Variants in NINL observed in about 807,000 individuals in gnomAD.
NINL encodes ninein-like protein.
A neutral mutation model predicts 160.3 loss-of-function variants in NINL; 153 were observed. That is an observed-to-expected ratio of 0.95 (90% CI 0.84 to 1.09). The LOEUF (loss-of-function observed/expected upper bound fraction) is 1.09. NINL is among the 50% of genes least tolerant of loss of function. NINL has a pLI of 0.00. For synonymous variants in NINL, 800 were observed against 734.8 expected (o/e 1.09, Z -1.43); for missense variants, 1,829 against 1,764.0 (o/e 1.04, Z -0.66).
chr20:25,471,512 C>A (rs1234922641), intron 17 of NINL, among the ~76,000 whole-genome samples: 1 of 152,190 alleles, frequency 6.6e-6, no homozygotes, highest in Non-Finnish European at 1.5e-5. Flanking sequence ...CCATCCCCCA[C>A]ATGACCACCA....
At chr20:25,561,803 C>T (rs2064942705) in intron 1 of NINL, among the ~76,000 whole-genome samples, 1 of 151,450 alleles carries the variant, frequency 6.6e-6, no homozygotes, top group Admixed American at 6.6e-5. Flanking sequence ...CTGGCAACCG[C>T]CCCATCTGAG....
chr20:25,532,144 T>C (rs2064475823), intron 1 of NINL, among the ~76,000 whole-genome samples: 1 of 152,198 alleles, frequency 6.6e-6, no homozygotes, highest in Non-Finnish European at 1.5e-5. Context: ...TGGCTGGGAC[T>C]GCAGGGGCAG....
At chr20:25,511,188 C>G (rs527605069) in intron 4 of NINL, among the ~76,000 whole-genome samples, 3 of 152,286 alleles carry the variant, frequency 2.0e-5, no homozygotes, top group African/African-American at 7.2e-5. Context: ...GCTTGCAACA[C>G]GCCTCTCTGC....
chr20:25,494,249 C>G (rs1334615380), intron 10 of NINL, among the ~76,000 whole-genome samples: 1 of 150,688 alleles, frequency 6.6e-6, no homozygotes, highest in Non-Finnish European at 1.5e-5. Flanking sequence ...GCACACAGCA[C>G]TTTCCACTGC....
intron 1 of NINL, among the ~76,000 whole-genome samples, chr20:25,551,599 TAGTG>T (rs2064808049): frequency 6.6e-6 from 1 of 151,806 alleles, no homozygotes; most frequent in Non-Finnish European, 1.5e-5. Context: ...TGTGGGAACT[TAGTG>T]TGTGTGTGAG....
rs764778668 is a variant in NINL at position 25,461,498 on chromosome 20, C to T, written c.3696+24G>A. The T allele has an allele frequency of 3.6e-6, 5 of 1,397,656 alleles. No individual in the cohort carries two copies. In the African/African-American group the frequency reaches 7.3e-5, roughly 20 times the overall value. The allele number at this position is 1,397,656 out of a possible 1,614,324, so 86.6% of individuals were successfully genotyped here. On this transcript the variant is annotated intron_variant, in intron 21 of 23. Coordinates refer to ENST00000278886, the MANE Select transcript of NINL (RefSeq NM_025176.6). ...CTCCCAGGTGGGACTGGACCCAGTG[C>T]CTCCAGCCATCGCTCACACCCACCT...
At chr20:25,532,384 G>A (rs417662) in intron 1 of NINL, among the ~76,000 whole-genome samples, 4,423 of 152,342 alleles carry the variant, frequency 0.029, 209 homozygotes, top group African/African-American at 0.097. Context: ...CAGGGCTGGC[G>A]TCTGGCAAAC....
At chr20:25,540,020 A>C in intron 1 of NINL, 1 of 1,288,350 alleles carries the variant, frequency 7.8e-7, no homozygotes, top group South Asian at 1.2e-5. Context: ...CACACTGTTT[A>C]CCTGCGCAGT....
At position 25,528,271 on chromosome 20, in the gene NINL, G is replaced by C. The variant is rs568953811; in HGVS notation, c.-11-1673C>G. 5.3e-5 allele frequency among the ~76,000 whole-genome samples: 8 copies of C among 152,262 alleles called. No individual in the cohort carries two copies. The East Asian group carries it at 1.3e-3, about 26-fold the overall frequency. On this transcript the variant is annotated intron_variant, in intron 1 of 23. Coordinates refer to ENST00000278886, the MANE Select transcript of NINL (RefSeq NM_025176.6). ...GCTGGTCTCAAACTTCTGGACTCAA[G>C]TGATTTCCTGCTGCGGCCTCCCAAA... is the stretch of plus-strand genomic sequence containing the variant.
intron 18 of NINL, among the ~76,000 whole-genome samples, chr20:25,468,533 CCCTGT>C (rs56352955): frequency 0.33 from 37,444 of 114,236 alleles, 7,400 homozygotes; most frequent in East Asian, 0.89. Flanking sequence ...CACTGCCCTG[CCCTGT>C]CCCCCGACTC....
rs959328632 is a variant in NINL, at chr20:25,481,853, C to T, written c.1810+115G>A. 72 of 1,443,828 alleles carry T rather than the reference C, an allele frequency of 5.0e-5. 4 individuals carry two copies. The South Asian group carries it at 6.2e-4, about 12-fold the overall frequency. The allele number at this position is 1,443,828 out of a possible 1,614,324, so 89.4% of individuals were successfully genotyped here. ...AGTCCCTGCAGAGCAGACCACCTCC[C>T]TTCAGGTCACAGCAACATCATCATC... On this transcript the variant is annotated intron_variant, in intron 14 of 23. Transcript: ENST00000278886.
At chr20:25,457,323 A>T (rs2090712754) in intron 22 of NINL, among the ~76,000 whole-genome samples, 2 of 150,152 alleles carry the variant, frequency 1.3e-5, no homozygotes, top group African/African-American at 4.9e-5. Context: ...ACTCTGTCTC[A>T]AAAAACAAAA....
At chr20:25,464,000 GAC>G (rs2062852656) in intron 19 of NINL, among the ~76,000 whole-genome samples, 1 of 152,176 alleles carries the variant, frequency 6.6e-6, no homozygotes, top group African/African-American at 2.4e-5. Context: ...TTTTAATACT[GAC>G]ACACATTCAC....
chr20:25,563,643 C>T (rs1192526921), intron 1 of NINL, among the ~76,000 whole-genome samples: 1 of 152,086 alleles, frequency 6.6e-6, no homozygotes, highest in African/African-American at 2.4e-5. Context: ...ACATATGCTA[C>T]CTACAAGAAA....
chr20:25,479,452 C>G (rs986430180), intron 15 of NINL, among the ~76,000 whole-genome samples: 1 of 152,164 alleles, frequency 6.6e-6, no homozygotes, highest in African/African-American at 2.4e-5. Context: ...GCAGGAAGCT[C>G]GGGGCTCACT....
At chr20:25,569,835 G>T (rs765463002) in intron 1 of NINL, among the ~76,000 whole-genome samples, 1 of 152,160 alleles carries the variant, frequency 6.6e-6, no homozygotes, top group Non-Finnish European at 1.5e-5. Context: ...CGACTGTCAA[G>T]GAACCACCCA....
intron 1 of NINL, among the ~76,000 whole-genome samples, chr20:25,529,752 A>T (rs1283019010): frequency 6.6e-6 from 1 of 152,174 alleles, no homozygotes; most frequent in East Asian, 1.9e-4. Flanking sequence ...AGGTAGGAGG[A>T]TCACCTAGAG....
chr20:25,551,379 A>G (rs1467344883), intron 1 of NINL, among the ~76,000 whole-genome samples: 1 of 152,118 alleles, frequency 6.6e-6, no homozygotes, highest in Non-Finnish European at 1.5e-5. Flanking sequence ...TCAAATAAAT[A>G]AATAAAAAAA....
In NINL at chr20:25,491,474, C is replaced by A. The variant is rs767388536; in HGVS notation, c.1362G>T (p.Val454=). 3.7e-6 allele frequency: 6 copies of A among 1,614,108 alleles called. No individual in the cohort carries two copies. Among genetic ancestry groups the A allele is most frequent in the Admixed American group, 3.3e-5 (2 of 60,024 alleles). The part of the protein sequence containing the change: ...RERLSLLRSE[V]EAERELFWEQ... ...CCCAGAACAGCTCTCGCTCCGCCTC[C>A]ACCTCAGACCGCAGGAGGCTCAGCC... is the stretch of plus-strand genomic sequence containing the variant. Residue 454 remains valine, a synonymous_variant, in exon 11 of 24, where the codon GTG becomes GTT. Transcript: ENST00000278886.
Sources: allele counts gnomAD v4.1 joint callset (sites outside exome capture counted in the v4.1 genomes callset), GRCh38; gene constraint gnomAD v4.1.1; transcripts MANE v1.5; gene names NCBI Gene and HGNC (gene_info 2026-07-23, HGNC 2026-07-21).